The following ALK variants were observed in gnomAD, a reference collection of about 807,000 sequenced individuals.
The protein encoded by ALK is ALK receptor tyrosine kinase.
Under a neutral mutation model 163.1 loss-of-function variants are expected in ALK, and 74 were observed. The ratio of observed to expected loss-of-function variants is 0.45; its 90% CI spans 0.38 to 0.55. The LOEUF (loss-of-function observed/expected upper bound fraction) is 0.55, where lower values mean the gene tolerates loss of function less well. Ranked by LOEUF, ALK falls within the 20% of genes least tolerant of loss-of-function variation. ALK has a pLI of 0.00. For synonymous variants in ALK, 960 were observed against 843.2 expected (o/e 1.14, Z -2.40); for missense variants, 2,063 against 2,105.3 (o/e 0.98, Z 0.39).
At position 29,831,118 on chromosome 2, in the gene ALK, AGAAGAAGGG is replaced by A. The variant is rs1553368451; in HGVS notation, c.667+88866_667+88874del. Among the ~76,000 whole-genome samples, 230 of 55,498 alleles carry A rather than the reference AGAAGAAGGG, an allele frequency of 4.1e-3. 21 individuals are homozygous for A. The highest frequency in any genetic ancestry group is 0.015 in the East Asian group (13 of 854). The allele number at this position is 55,498 out of a possible 152,430, so 36.4% of individuals were successfully genotyped here. ...GAGGAGGAGGAGGAGGAGAAGAAGA[AGAAGAAGGG>A]GAAGAAGGGGAAGAAGGGGAAGAAG... is the stretch of plus-strand genomic sequence containing the variant. On this transcript the variant is annotated intron_variant, in intron 1 of 28. Coordinates refer to ENST00000389048, the MANE Select transcript of ALK (RefSeq NM_004304.5).
At chr2:29,868,512 TGTGTAAG>T (rs1208337488) in intron 1 of ALK, among the ~76,000 whole-genome samples, 2 of 152,142 alleles carry the variant, frequency 1.3e-5, no homozygotes, top group Non-Finnish European at 2.9e-5. Flanking sequence ...TTTCAGAGTG[TGTGTAAG>T]GTCAAATTTA....
chr2:29,268,858 C>T (rs1482039884), intron 11 of ALK, among the ~76,000 whole-genome samples: 2 of 152,130 alleles, frequency 1.3e-5, no homozygotes, highest in Non-Finnish European at 2.9e-5. Flanking sequence ...TCTGTTTCCT[C>T]AATTGTAAAA....
Position 29,578,196 on chromosome 2 carries a change from A to G in ALK, c.953-46080T>C, listed in dbSNP as rs115401355. Among the ~76,000 whole-genome samples the G allele has an allele frequency of 8.0e-3, 1,217 of 151,876 alleles. 13 individuals are homozygous for G. The highest frequency in any genetic ancestry group is 0.028 in the African/African-American group (1,173 of 41,510). ...GATGGTTTTAAAAACGAGTTTCCCT[A>G]CACAAGCTCTCTTTTTGCCTGCTGC... On this transcript the variant is annotated intron_variant, in intron 3 of 28. Transcript: ENST00000389048.
At chr2:29,340,777 C>T (rs890053366) in intron 5 of ALK, among the ~76,000 whole-genome samples, 1 of 152,210 alleles carries the variant, frequency 6.6e-6, no homozygotes, top group African/African-American at 2.4e-5. Flanking sequence ...GGCTTCCACA[C>T]CTCCATCTTT....
At chr2:29,344,512 G>C (rs1667891244) in intron 5 of ALK, among the ~76,000 whole-genome samples, 1 of 152,150 alleles carries the variant, frequency 6.6e-6, no homozygotes, top group African/African-American at 2.4e-5. Flanking sequence ...TCTGGCGATA[G>C]TCCCAGTTGA....
chr2:29,779,545 T>G (rs1043235948), intron 1 of ALK, among the ~76,000 whole-genome samples: 5 of 152,188 alleles, frequency 3.3e-5, no homozygotes, highest in African/African-American at 9.7e-5. Flanking sequence ...GACTCCTGAA[T>G]AGAGTCTGCA....
intron 4 of ALK, among the ~76,000 whole-genome samples, chr2:29,453,409 A>G (rs1301331309): frequency 1.3e-5 from 2 of 151,214 alleles, no homozygotes; most frequent in Non-Finnish European, 1.5e-5. Flanking sequence ...TTTTTTTTTA[A>G]TTTTTTGGTA....
At chr2:29,830,144 A>G (rs1400590906) in intron 1 of ALK, among the ~76,000 whole-genome samples, 1 of 152,218 alleles carries the variant, frequency 6.6e-6, no homozygotes, top group Non-Finnish European at 1.5e-5. Flanking sequence ...TTGGCTGTAA[A>G]TACTTTCAGG....
intron 3 of ALK, among the ~76,000 whole-genome samples, chr2:29,624,584 C>G (rs1180745636): frequency 3.3e-5 from 5 of 152,042 alleles, no homozygotes; most frequent in Non-Finnish European, 5.9e-5. Context: ...CTCACCGAGG[C>G]CTGCTGGAGC....
chr2:29,431,076 C>T (rs1670261640), intron 4 of ALK, among the ~76,000 whole-genome samples: 1 of 151,246 alleles, frequency 6.6e-6, no homozygotes, highest in Non-Finnish European at 1.5e-5. Flanking sequence ...CAAAGACAGA[C>T]CTGGAGATGC....
chr2:29,832,480 T>A (rs529389290), intron 1 of ALK, among the ~76,000 whole-genome samples: 136 of 152,350 alleles, frequency 8.9e-4, no homozygotes, highest in African/African-American at 3.1e-3. Context: ...GAGGGATATG[T>A]AGGGTGCACA....
intron 1 of ALK, among the ~76,000 whole-genome samples, chr2:29,826,731 C>G (rs1665213388): frequency 6.6e-6 from 1 of 152,208 alleles, no homozygotes; most frequent in Admixed American, 6.5e-5. Context: ...TCAGATCTCC[C>G]TTTCCTCAGC....
chr2:29,832,696 C>T (rs1439155644), intron 1 of ALK, among the ~76,000 whole-genome samples: 2 of 152,216 alleles, frequency 1.3e-5, no homozygotes, highest in Non-Finnish European at 2.9e-5. Flanking sequence ...GAATACTCAT[C>T]CATCCACCCA....
At chr2:29,607,781 A>AT (rs1408124246) in intron 3 of ALK, among the ~76,000 whole-genome samples, 2 of 151,282 alleles carry the variant, frequency 1.3e-5, no homozygotes, top group African/African-American at 4.9e-5. Context: ...TCTTGGAATG[A>AT]TTTTTTTCTT....
chr2:29,614,195 G>A (rs574762522), intron 3 of ALK, among the ~76,000 whole-genome samples: 3 of 152,236 alleles, frequency 2.0e-5, no homozygotes, highest in East Asian at 1.9e-4. Flanking sequence ...CCTGCCTCCC[G>A]AACCCTTAGT....
At chr2:29,226,478 C>CAAAA (rs3028223) in intron 18 of ALK, among the ~76,000 whole-genome samples, 10 of 84,916 alleles carry the variant, frequency 1.2e-4, no homozygotes, top group South Asian at 4.5e-4. Flanking sequence ...AACTCCGCCT[C>CAAAA]AAAAAAAAAA....
At chr2:29,655,673 C>T (rs1231218403) in intron 3 of ALK, among the ~76,000 whole-genome samples, 1 of 152,204 alleles carries the variant, frequency 6.6e-6, no homozygotes, top group African/African-American at 2.4e-5. Flanking sequence ...AAGGTCTCAG[C>T]TCATTTCAGA....
intron 1 of ALK, among the ~76,000 whole-genome samples, chr2:29,842,050 C>T (rs1665716161): frequency 6.6e-6 from 1 of 151,912 alleles, no homozygotes; most frequent in South Asian, 2.1e-4. Context: ...TCTCTCCCTC[C>T]CTCTTTTTCT....
At chr2:29,693,269 G>A (rs2256621) in intron 3 of ALK, among the ~76,000 whole-genome samples, 152,108 of 152,308 alleles carry the variant, frequency 1, 75,954 homozygotes, top group Non-Finnish European at 1. Context: ...TTTCCTAGTA[G>A]AAATGTAAAA....
Sources: gnomAD v4.1 joint callset for allele counts (sites outside exome capture counted in the v4.1 genomes callset) on GRCh38, gnomAD v4.1.1 for gene constraint, MANE v1.5 for transcripts, NCBI Gene and HGNC (gene_info 2026-07-23, HGNC 2026-07-21) for gene names.